The following NRG1 variants were observed in gnomAD, a reference collection of about 807,000 sequenced individuals.
NRG1 encodes pro-neuregulin-1, membrane-bound isoform.
In NRG1, 18 loss-of-function variants were observed where a neutral mutation model predicts 63.8. The observed-to-expected ratio is 0.28, with a 90% CI of 0.19 to 0.42. The LOEUF is 0.42. NRG1 is among the 10% of genes least tolerant of loss of function. The pLI is 1.00. For synonymous variants in NRG1, 302 were observed against 301.3 expected (o/e 1.00, Z -0.02); for missense variants, 762 against 814.7 (o/e 0.94, Z 0.79).
chr8:32,475,897 G>T (rs1213972838), intron 1 of NRG1, among the ~76,000 whole-genome samples: 1 of 152,174 alleles, frequency 6.6e-6, no homozygotes, highest in Non-Finnish European at 1.5e-5. Flanking sequence ...TTGATCCTAT[G>T]TATCAGGCTT....
intron 1 of NRG1, among the ~76,000 whole-genome samples, chr8:32,445,616 T>A (rs1820139443): frequency 6.6e-6 from 1 of 152,206 alleles, no homozygotes; most frequent in Non-Finnish European, 1.5e-5. Flanking sequence ...ACAATGATAC[T>A]GGCCAACTGA....
chr8:32,294,846 T>C (rs552036452), intron 1 of NRG1, among the ~76,000 whole-genome samples: 1 of 152,308 alleles, frequency 6.6e-6, no homozygotes, highest in African/African-American at 2.4e-5. Context: ...TCGGAACTTG[T>C]GCTTGTTTTC....
Position 32,620,327 on chromosome 8 carries a change from A to G in NRG1, c.502+3442A>G, listed in dbSNP as rs117181961. On this transcript the variant is annotated intron_variant, in intron 5 of 11. Transcript: ENST00000356819. ...TAATGACATTGGTGTTTTCTAAAGT[A>G]AATGTTGAAAAGCCTCTCTGAAGTA... 6.1e-3 allele frequency among the ~76,000 whole-genome samples: 932 copies of G among 152,218 alleles called. 3 individuals carry two copies. Among genetic ancestry groups the G allele is most frequent in the Non-Finnish European group, 0.011 (751 of 67,990 alleles).
chr8:32,280,578 G>A (rs546823143), intron 1 of NRG1, among the ~76,000 whole-genome samples: 1 of 151,584 alleles, frequency 6.6e-6, no homozygotes, highest in East Asian at 2.0e-4. Flanking sequence ...TAGAGGGAGA[G>A]TAGTTATTGC....
intron 1 of NRG1, among the ~76,000 whole-genome samples, chr8:32,007,337 A>T (rs566960905): frequency 6.6e-6 from 1 of 152,154 alleles, no homozygotes; most frequent in Admixed American, 6.6e-5. Flanking sequence ...TCAGGCAAAT[A>T]ATCTCAAATC....
At chr8:32,333,716 C>T (rs979394265) in intron 1 of NRG1, among the ~76,000 whole-genome samples, 5 of 152,082 alleles carry the variant, frequency 3.3e-5, no homozygotes, top group Non-Finnish European at 7.4e-5. Context: ...CTTAAAGATA[C>T]GTACAATGGA....
At chr8:32,615,651 C>G (rs941491405) in intron 4 of NRG1, among the ~76,000 whole-genome samples, 1 of 151,944 alleles carries the variant, frequency 6.6e-6, no homozygotes, top group African/African-American at 2.4e-5. Context: ...ATGTCTTTTT[C>G]CATCTTACCT....
chr8:32,573,276 T>C (rs1478051063), intron 1 of NRG1, among the ~76,000 whole-genome samples: 1 of 152,226 alleles, frequency 6.6e-6, no homozygotes, highest in South Asian at 2.1e-4. Flanking sequence ...ATAACAGGGA[T>C]CTGCAAACAT....
At chr8:32,760,771 A>G (rs1003282534) in intron 11 of NRG1, 15 of 1,020,256 alleles carry the variant, frequency 1.5e-5, no homozygotes, top group Non-Finnish European at 1.8e-5. Flanking sequence ...GGACCCTTCT[A>G]TAATTCCAAT....
chr8:32,445,428 C>T (rs551563820), intron 1 of NRG1, among the ~76,000 whole-genome samples: 4 of 152,252 alleles, frequency 2.6e-5, no homozygotes, highest in African/African-American at 9.6e-5. Context: ...TATCTGTCCA[C>T]AAGTGAATTT....
At chr8:32,111,328 G>A (rs1420078697) in intron 1 of NRG1, among the ~76,000 whole-genome samples, 1 of 152,068 alleles carries the variant, frequency 6.6e-6, no homozygotes. Flanking sequence ...TGTTGGCCAG[G>A]CTGGTCTCAA....
chr8:32,669,983 T>G (rs1589107882), intron 5 of NRG1, among the ~76,000 whole-genome samples: 1 of 152,252 alleles, frequency 6.6e-6, no homozygotes, highest in Non-Finnish European at 1.5e-5. Flanking sequence ...GATGTCTAGA[T>G]GAACATTCAA....
intron 1 of NRG1, among the ~76,000 whole-genome samples, chr8:32,018,487 A>G (rs1268553382): frequency 1.3e-5 from 2 of 152,148 alleles, no homozygotes; most frequent in African/African-American, 4.8e-5. Flanking sequence ...CCCTATATTA[A>G]TTTTGTCTGT....
Position 31,937,708 on chromosome 8 carries a change from G to A in NRG1, c.37+298277G>A, listed in dbSNP as rs1801128528. 2.6e-5 allele frequency among the ~76,000 whole-genome samples: 4 copies of A among 152,316 alleles called. No homozygotes were observed. In the South Asian group the frequency reaches 8.3e-4, roughly 32 times the overall value. On this transcript the variant is annotated intron_variant, in intron 1 of 10. Transcript: ENST00000519301. ...AGTGAGACCGGCCTTTAGGACTGCA[G>A]GCTGCATGGGAGTGGGGTGAGGCCT...
chr8:32,690,473 G>A (rs918204298), intron 5 of NRG1, among the ~76,000 whole-genome samples: 1 of 152,258 alleles, frequency 6.6e-6, no homozygotes, highest in East Asian at 1.9e-4. Flanking sequence ...TATGCCATAA[G>A]GACAATGGAG....
intron 1 of NRG1, among the ~76,000 whole-genome samples, chr8:32,345,563 C>G (rs1262333519): frequency 6.6e-6 from 1 of 152,172 alleles, no homozygotes; most frequent in African/African-American, 2.4e-5. Context: ...CCAGTGCTTT[C>G]TCAAGTAAGT....
chr8:31,862,401 T>C (rs1828547568), intron 1 of NRG1, among the ~76,000 whole-genome samples: 1 of 152,212 alleles, frequency 6.6e-6, no homozygotes, highest in African/African-American at 2.4e-5. Flanking sequence ...GTCAATCTGA[T>C]AGACTGGTGA....
At chr8:32,377,388 G>C (rs1334110862) in intron 1 of NRG1, among the ~76,000 whole-genome samples, 2 of 152,184 alleles carry the variant, frequency 1.3e-5, no homozygotes, top group South Asian at 2.1e-4. Flanking sequence ...AATTAGAGGA[G>C]AGCAAAGTTA....
chr8:32,356,961 G>A (rs781505292), intron 1 of NRG1, among the ~76,000 whole-genome samples: 13 of 152,202 alleles, frequency 8.5e-5, no homozygotes, highest in Non-Finnish European at 1.5e-4. Context: ...GAAAACAGCT[G>A]AAATCCTATG....
Sources: gnomAD v4.1 joint callset for allele counts (sites outside exome capture counted in the v4.1 genomes callset) on GRCh38, gnomAD v4.1.1 for gene constraint, MANE v1.5 for transcripts, NCBI Gene and HGNC (gene_info 2026-07-23, HGNC 2026-07-21) for gene names.